PCDH9: variants seen among roughly 807,000 people sequenced by gnomAD.
The protein encoded by PCDH9 is protocadherin-9.
PCDH9 carries 24 observed loss-of-function variants against 70.6 expected under a neutral mutation model. That is an observed-to-expected ratio of 0.34 (90% confidence interval 0.25 to 0.48). The LOEUF is 0.48. PCDH9 is among the 20% of genes least tolerant of loss of function. The pLI is 0.99. For missense variants in PCDH9, 1,281 were observed against 1,503.6 expected, an observed-to-expected ratio of 0.85 and a Z score of 2.45; for synonymous variants, 562 against 558.5, an observed-to-expected ratio of 1.01 and a Z score of -0.09.
chr13:67,228,753 G>A (rs1361564487), intron 1 of PCDH9, among the ~76,000 whole-genome samples, 178 bp from the exon 2 acceptor site: 1 of 152,212 alleles, frequency 6.6e-6, no homozygotes, highest in Admixed American at 6.5e-5. Context: ...TGCATTTGCC[G>A]GGAGAAAATA....
At chr13:66,724,183 A>G (rs2078976264) in intron 3 of PCDH9, among the ~76,000 whole-genome samples, 1 of 152,190 alleles carries the variant, frequency 6.6e-6, no homozygotes, top group Non-Finnish European at 1.5e-5. Flanking sequence ...TAACAATCTA[A>G]TACTGAATGT....
chr13:66,364,904 T>C (rs1956528967), intron 4 of PCDH9, among the ~76,000 whole-genome samples: 2 of 152,152 alleles, frequency 1.3e-5, no homozygotes, highest in South Asian at 4.1e-4. Context: ...AAATAGAGGC[T>C]CTGATGCTAA....
intron 2 of PCDH9, among the ~76,000 whole-genome samples, chr13:66,997,536 T>C (rs2084144511): frequency 6.6e-6 from 1 of 151,964 alleles, no homozygotes; most frequent in South Asian, 2.1e-4. Flanking sequence ...TGTTTTGTTT[T>C]GTTTTGTTTT....
chr13:66,645,488 T>TA (rs1307142591), intron 3 of PCDH9, among the ~76,000 whole-genome samples: 3 of 152,086 alleles, frequency 2.0e-5, no homozygotes, highest in African/African-American at 4.8e-5. Context: ...ACATTCATAT[T>TA]AAAAAAATAG....
At chr13:67,127,340 C>T (rs1398466154) in intron 2 of PCDH9, among the ~76,000 whole-genome samples, 1 of 152,072 alleles carries the variant, frequency 6.6e-6, no homozygotes. Flanking sequence ...GGTCCAGACG[C>T]CTATGTCCTT....
chr13:66,866,809 T>C (rs1456075032), intron 3 of PCDH9, among the ~76,000 whole-genome samples: 2 of 152,012 alleles, frequency 1.3e-5, no homozygotes, highest in Non-Finnish European at 2.9e-5. Context: ...TAAAATAAAA[T>C]AATAAAATAA....
intron 3 of PCDH9, among the ~76,000 whole-genome samples, chr13:66,664,187 T>C (rs762034842): frequency 2.6e-5 from 4 of 152,228 alleles, no homozygotes; most frequent in African/African-American, 4.8e-5. Context: ...TTTATTGAAA[T>C]TCTCTTCTGA....
chr13:66,354,920 C>A lies in PCDH9; in HGVS notation c.3341-49892G>T, dbSNP rs114400734. Among the ~76,000 whole-genome samples, 874 of 152,146 alleles carry A rather than the reference C, an allele frequency of 5.7e-3. 9 individuals are homozygous for A. Among genetic ancestry groups the A allele is most frequent in the African/African-American group, 0.02 (816 of 41,500 alleles). ...TATTCCAGGGCTTGTATTTTTCGAA[C>A]CTTCATGTGCATACAAGTTGCTAAA... is the stretch of plus-strand genomic sequence containing the variant. On this transcript the variant is annotated intron_variant, in intron 4 of 4. Transcript: ENST00000377865.
chr13:66,326,462 A>C (rs1474482431), intron 4 of PCDH9, among the ~76,000 whole-genome samples: 1 of 149,794 alleles, frequency 6.7e-6, no homozygotes, highest in Non-Finnish European at 1.5e-5. Flanking sequence ...TCCGTCGCCC[A>C]GGCTGGAGTG....
chr13:66,738,817 G>A (rs1397018599), intron 3 of PCDH9, among the ~76,000 whole-genome samples: 1 of 151,902 alleles, frequency 6.6e-6, no homozygotes, highest in Non-Finnish European at 1.5e-5. Flanking sequence ...AATGAGCAAA[G>A]CCTCCAAGAA....
chr13:66,669,769 A>G (rs1382228519), intron 3 of PCDH9, among the ~76,000 whole-genome samples: 1 of 152,206 alleles, frequency 6.6e-6, no homozygotes. Context: ...TGTAAACATC[A>G]TTCTCTTTCA....
At chr13:67,146,014 C>A (rs2087514641) in intron 2 of PCDH9, among the ~76,000 whole-genome samples, 1 of 152,004 alleles carries the variant, frequency 6.6e-6, no homozygotes, top group African/African-American at 2.4e-5. Flanking sequence ...AGAATTAATT[C>A]TGTCTGCTAT....
At chr13:66,490,365 C>T (rs1041435488) in intron 4 of PCDH9, among the ~76,000 whole-genome samples, 1 of 152,104 alleles carries the variant, frequency 6.6e-6, no homozygotes, top group Non-Finnish European at 1.5e-5. Flanking sequence ...ACTGTTATAC[C>T]GGTCGGCTTC....
chr13:66,427,247 C>T (rs929450592), intron 4 of PCDH9, among the ~76,000 whole-genome samples: 4 of 151,738 alleles, frequency 2.6e-5, no homozygotes, highest in Admixed American at 2.0e-4. Flanking sequence ...AGCTGAATTA[C>T]TACCATAATG....
At chr13:67,229,257 T>C (rs1301963899) in intron 1 of PCDH9, among the ~76,000 whole-genome samples, 7 of 152,250 alleles carry the variant, frequency 4.6e-5, no homozygotes, top group African/African-American at 1.7e-4. Context: ...TCATTAGGAT[T>C]CATAAACACA....
At chr13:66,513,175 T>C (rs917857686) in intron 4 of PCDH9, among the ~76,000 whole-genome samples, 24 of 142,566 alleles carry the variant, frequency 1.7e-4, no homozygotes, top group African/African-American at 5.7e-4. Flanking sequence ...TATTTCTGTT[T>C]GCCTATAAAA....
intron 3 of PCDH9, among the ~76,000 whole-genome samples, chr13:66,689,063 T>A (rs1307903911): frequency 6.6e-6 from 1 of 152,164 alleles, no homozygotes; most frequent in African/African-American, 2.4e-5. Context: ...CAGTAATATA[T>A]GCCATATCAA....
intron 4 of PCDH9, among the ~76,000 whole-genome samples, chr13:66,576,380 G>T (rs1351874379): frequency 6.6e-6 from 1 of 152,032 alleles, no homozygotes; most frequent in African/African-American, 2.4e-5. Context: ...TCGTAGCAAT[G>T]AAATTTCAGG....
At chr13:66,374,503 C>T (rs998877481) in intron 4 of PCDH9, among the ~76,000 whole-genome samples, 1 of 151,940 alleles carries the variant, frequency 6.6e-6, no homozygotes, top group South Asian at 2.1e-4. Context: ...GCTTGGTACT[C>T]TACACGTTAT....
Sources: gnomAD v4.1 joint callset for allele counts (sites outside exome capture counted in the v4.1 genomes callset) on GRCh38, gnomAD v4.1.1 for gene constraint, MANE v1.5 for transcripts, NCBI Gene and HGNC (gene_info 2026-07-23, HGNC 2026-07-21) for gene names.